CTNNA2: variants seen among roughly 807,000 people sequenced by gnomAD.
The protein encoded by CTNNA2 is catenin alpha-2.
Under a neutral mutation model 101.0 loss-of-function variants are expected in CTNNA2, and 42 were observed. That is an observed-to-expected ratio of 0.42 (90% CI 0.32 to 0.54). The LOEUF (loss-of-function observed/expected upper bound fraction) is 0.54. Among genes scored for constraint, CTNNA2 ranks in the 20% least tolerant of loss-of-function variants. CTNNA2 has a pLI of 0.14. For synonymous variants in CTNNA2, 450 were observed against 456.4 expected (o/e 0.99, Z 0.18); for missense variants, 871 against 1,223.1 (o/e 0.71, Z 4.29).
At chr2:79,760,126 C>A (rs2105079549) in intron 3 of CTNNA2, among the ~76,000 whole-genome samples, 1 of 152,242 alleles carries the variant, frequency 6.6e-6, no homozygotes, top group African/African-American at 2.4e-5. Context: ...TCAGTTCCAT[C>A]ACCTGTAAAA....
intron 7 of CTNNA2, among the ~76,000 whole-genome samples, chr2:80,160,934 G>T (rs549132261): frequency 1.3e-5 from 2 of 151,700 alleles, no homozygotes; most frequent in South Asian, 4.2e-4. Context: ...GGTTGAAAAT[G>T]TTCCCCTCTA....
intron 2 of CTNNA2, among the ~76,000 whole-genome samples, chr2:79,209,020 A>AGG (rs1674135622): frequency 6.6e-6 from 1 of 152,148 alleles, no homozygotes; most frequent in Admixed American, 6.5e-5. Context: ...ATAACCTTAA[A>AGG]GGATATTCAT....
At chr2:79,214,475 A>G (rs552783237) in intron 2 of CTNNA2, among the ~76,000 whole-genome samples, 8 of 152,204 alleles carry the variant, frequency 5.3e-5, no homozygotes, top group Admixed American at 1.3e-4. Flanking sequence ...ATTGTAAGGA[A>G]AGTTTATAGG....
intron 7 of CTNNA2, among the ~76,000 whole-genome samples, chr2:80,343,132 A>G (rs1162885043): frequency 6.6e-6 from 1 of 152,140 alleles, no homozygotes; most frequent in African/African-American, 2.4e-5. Context: ...ATCTGCAAAG[A>G]CACTATTTTC....
intron 2 of CTNNA2, among the ~76,000 whole-genome samples, chr2:79,695,329 AT>A (rs1275831123): frequency 6.6e-6 from 1 of 151,918 alleles, no homozygotes; most frequent in Admixed American, 6.6e-5. Flanking sequence ...AGAAGAGGAG[AT>A]TTTATTTCTT....
At chr2:79,814,819 G>A (rs1677352336) in intron 3 of CTNNA2, among the ~76,000 whole-genome samples, 2 of 152,106 alleles carry the variant, frequency 1.3e-5, no homozygotes, top group South Asian at 2.1e-4. Context: ...GGATCAAATG[G>A]TAGTACTTTT....
chr2:79,691,752 GA>G (rs1304753345), intron 2 of CTNNA2, among the ~76,000 whole-genome samples: 1 of 151,940 alleles, frequency 6.6e-6, no homozygotes, highest in African/African-American at 2.4e-5. Flanking sequence ...TGACAAACCT[GA>G]AAAAAACAAG....
In CTNNA2 at chr2:80,647,898, TTTTC is replaced by T. The variant is rs375870913; in HGVS notation, c.*34_*37del. 82 of 1,522,132 alleles carry T rather than the reference TTTTC, an allele frequency of 5.4e-5. No homozygotes were observed. The highest frequency in any genetic ancestry group is 4.9e-4 in the African/African-American group (35 of 71,686). 94.3% of individuals were successfully genotyped at this position (1,522,132 alleles called of 1,614,324 possible). A position where few individuals can be genotyped will look rare whatever the true frequency, so the allele number is the denominator to read the frequency against. On this transcript the variant is annotated 3_prime_UTR_variant, in exon 19 of 19. Coordinates refer to ENST00000402739, the MANE Select transcript of CTNNA2 (RefSeq NM_001282597.3). ...GACGATAGGTTTTAACAAGAAAGCT[TTTTC>T]TTTCTTTTCTTTCTTTCTTTTTCTT...
intron 15 of CTNNA2, among the ~76,000 whole-genome samples, chr2:80,599,565 TC>T (rs1382258358): frequency 6.6e-6 from 1 of 152,102 alleles, no homozygotes; most frequent in Non-Finnish European, 1.5e-5. Context: ...TTTTTCTATT[TC>T]CCTTCTCTTC....
At chr2:80,415,889 A>G (rs919015268) in intron 8 of CTNNA2, among the ~76,000 whole-genome samples, 3 of 152,184 alleles carry the variant, frequency 2.0e-5, no homozygotes, top group African/African-American at 7.2e-5. Flanking sequence ...TATATGTGAC[A>G]ACATGGATGG....
chr2:80,097,412 G>A lies in CTNNA2; in HGVS notation c.1056+187615G>A, dbSNP rs186896341. On this transcript the variant is annotated intron_variant, in intron 7 of 18. Coordinates refer to ENST00000402739, the MANE Select transcript of CTNNA2 (RefSeq NM_001282597.3). ...ATGGGCTTCCCTTTGTGGGTAACCCGACCTTTCTCTCTGGCTGCCCTTAAT... is the reference window on the plus strand; with the variant it reads ...ATGGGCTTCCCTTTGTGGGTAACCCAACCTTTCTCTCTGGCTGCCCTTAAT... Among the ~76,000 whole-genome samples, 398 of 152,228 alleles carry A rather than the reference G, an allele frequency of 2.6e-3. 4 individuals are homozygous for A. Among genetic ancestry groups the A allele is most frequent in the African/African-American group, 8.8e-3 (364 of 41,526 alleles).
chr2:80,135,446 A>G (rs1009155440), intron 7 of CTNNA2, among the ~76,000 whole-genome samples: 1 of 152,158 alleles, frequency 6.6e-6, no homozygotes, highest in African/African-American at 2.4e-5. Flanking sequence ...CAGAAATCAT[A>G]AGTGTTTGTT....
intron 9 of CTNNA2, among the ~76,000 whole-genome samples, chr2:80,503,877 G>T (rs975725242): frequency 2.6e-5 from 4 of 152,010 alleles, no homozygotes; most frequent in African/African-American, 9.7e-5. Context: ...CAAGTGGAAG[G>T]GGCTGAACTG....
chr2:80,361,561 G>C (rs561083280), intron 7 of CTNNA2, among the ~76,000 whole-genome samples: 1 of 151,980 alleles, frequency 6.6e-6, no homozygotes, highest in Non-Finnish European at 1.5e-5. Flanking sequence ...ACTTCCATTT[G>C]GGTGACACAT....
intron 2 of CTNNA2, among the ~76,000 whole-genome samples, chr2:79,269,457 G>A (rs1414573858): frequency 3.3e-5 from 5 of 152,072 alleles, no homozygotes; most frequent in African/African-American, 1.2e-4. Context: ...GGGGTAATAA[G>A]TAAACTGCAG....
intron 7 of CTNNA2, among the ~76,000 whole-genome samples, chr2:80,225,755 T>TA (rs1358095890): frequency 1.3e-5 from 2 of 152,234 alleles, no homozygotes; most frequent in Non-Finnish European, 2.9e-5. Flanking sequence ...AGTTGCTTTG[T>TA]ATCTCATTCA....
chr2:80,250,185 GA>G (rs1417360276), intron 7 of CTNNA2, among the ~76,000 whole-genome samples: 467 of 41,428 alleles, frequency 0.011, 2 homozygotes, highest in Non-Finnish European at 0.031. Flanking sequence ...GATGGGGGGA[GA>G]GAGAGAGAGA....
intron 7 of CTNNA2, among the ~76,000 whole-genome samples, chr2:80,379,940 TA>T (rs879917809): frequency 2.6e-5 from 4 of 152,032 alleles, no homozygotes; most frequent in Non-Finnish European, 4.4e-5. Context: ...TACCACTATT[TA>T]ACCAGCAGCA....
At chr2:79,210,756 C>T (rs1010077839) in intron 2 of CTNNA2, among the ~76,000 whole-genome samples, 2 of 152,098 alleles carry the variant, frequency 1.3e-5, no homozygotes, top group African/African-American at 4.8e-5. Flanking sequence ...AGCACTTGTT[C>T]CCATCACCTG....
Sources: allele counts gnomAD v4.1 joint callset (sites outside exome capture counted in the v4.1 genomes callset), GRCh38; gene constraint gnomAD v4.1.1; transcripts MANE v1.5; gene names NCBI Gene and HGNC (gene_info 2026-07-23, HGNC 2026-07-21).